PRELID2: variants seen among roughly 807,000 people sequenced by gnomAD.
PRELID2 encodes PRELI domain-containing protein 2.
In PRELID2, 25 loss-of-function variants were observed where a neutral mutation model predicts 28.4. That is an observed-to-expected ratio of 0.88 (90% confidence interval 0.64 to 1.23). The LOEUF is 1.23. Ranked by LOEUF, PRELID2 falls within the 50% of genes most tolerant of loss-of-function variation. PRELID2 has a pLI of 0.00. For missense variants in PRELID2, 201 were observed against 214.4 expected, an observed-to-expected ratio of 0.94 and a Z score of 0.39; for synonymous variants, 76 against 71.6, an observed-to-expected ratio of 1.06 and a Z score of -0.31.
chr5:145,596,322 A>T (rs185251522), intron 1 of PRELID2, among the ~76,000 whole-genome samples: 5 of 152,192 alleles, frequency 3.3e-5, no homozygotes, highest in Admixed American at 3.3e-4. Flanking sequence ...GAAAAAGGTA[A>T]CACAATTTTA....
At chr5:145,333,033 G>T in the PRELID2 span, among the ~76,000 whole-genome samples, 1 of 152,188 alleles carries the variant, frequency 6.6e-6, no homozygotes, top group Non-Finnish European at 1.5e-5. Flanking sequence ...CCCCTCTGCT[G>T]CAGGTCTGCT....
chr5:145,754,122 C>T (rs1757196496), downstream of PRELID2: 1 of 152,224 alleles, frequency 6.6e-6, no homozygotes, highest in South Asian at 2.1e-4. Context: ...ATTTACACCT[C>T]AATGTCCTGT....
chr5:145,784,233 T>C (rs997574750), intron 5 of PRELID2, among the ~76,000 whole-genome samples: 4 of 136,266 alleles, frequency 2.9e-5, no homozygotes, highest in African/African-American at 1.1e-4. Context: ...GTGGTGAGCT[T>C]AAAAAAAAAA....
chr5:145,249,691 C>T, the PRELID2 span, among the ~76,000 whole-genome samples: 36 of 152,234 alleles, frequency 2.4e-4, no homozygotes, highest in African/African-American at 7.9e-4. Context: ...TACTATATTT[C>T]AGCCAGCAGA....
chr5:145,357,271 G>C, the PRELID2 span, among the ~76,000 whole-genome samples: 3 of 152,152 alleles, frequency 2.0e-5, no homozygotes, highest in African/African-American at 7.2e-5. Context: ...TCCTGGATTT[G>C]AGGGTTGTCC....
the PRELID2 span, among the ~76,000 whole-genome samples, chr5:145,344,680 G>C: frequency 6.6e-6 from 1 of 151,966 alleles, no homozygotes; most frequent in Admixed American, 6.6e-5. Flanking sequence ...TGCGTGAGAG[G>C]GATGCTCCTG....
chr5:145,418,112 C>A, the PRELID2 span, among the ~76,000 whole-genome samples: 4 of 151,252 alleles, frequency 2.6e-5, no homozygotes, highest in South Asian at 2.1e-4. Context: ...CAGGCAAGAG[C>A]CAAATCATGA....
intron 5 of PRELID2, chr5:145,795,822 A>G (rs2149816463): frequency 6.6e-6 from 1 of 152,312 alleles, no homozygotes; most frequent in African/African-American, 2.4e-5. Context: ...TAAATGTTAT[A>G]TGGAATACCA....
At chr5:145,351,058 A>G in the PRELID2 span, among the ~76,000 whole-genome samples, 2 of 152,210 alleles carry the variant, frequency 1.3e-5, no homozygotes, top group African/African-American at 4.8e-5. Flanking sequence ...TAGGTGCAAT[A>G]TACCACAACT....
the PRELID2 span, among the ~76,000 whole-genome samples, chr5:145,280,815 AAAC>A: frequency 6.6e-6 from 1 of 151,988 alleles, no homozygotes; most frequent in African/African-American, 2.4e-5. Context: ...AAAAAAAAAA[AAAC>A]AGATTGCTAC....
chr5:145,411,547 G>C, the PRELID2 span, among the ~76,000 whole-genome samples: 1 of 152,206 alleles, frequency 6.6e-6, no homozygotes, highest in Non-Finnish European at 1.5e-5. Flanking sequence ...GGCTTTGTGA[G>C]TACAACCCCC....
intron 5 of PRELID2, among the ~76,000 whole-genome samples, chr5:145,776,884 A>G (rs759340494): frequency 7.2e-5 from 11 of 152,238 alleles, no homozygotes; most frequent in Non-Finnish European, 1.2e-4. Flanking sequence ...GATGTTCCAA[A>G]TCTACCATCT....
At chr5:145,747,945 A>G (rs1307901728) in intron 1 of PRELID2, among the ~76,000 whole-genome samples, 4 of 152,234 alleles carry the variant, frequency 2.6e-5, no homozygotes, top group African/African-American at 9.6e-5. Context: ...AAGGCCTTTG[A>G]TAAAATTCAA....
intron 1 of PRELID2, among the ~76,000 whole-genome samples, chr5:145,580,304 C>A (rs1753096786): frequency 1.3e-5 from 2 of 151,924 alleles, no homozygotes; most frequent in African/African-American, 4.8e-5. Flanking sequence ...CAGAAGCCAC[C>A]CCCTAATATT....
the PRELID2 span, among the ~76,000 whole-genome samples, chr5:145,247,740 A>G: frequency 1.3e-5 from 2 of 152,110 alleles, no homozygotes; most frequent in African/African-American, 4.8e-5. Context: ...GCTGTCCCCC[A>G]AACAGGAGCT....
chr5:145,784,370 G>A (rs1751849424), intron 5 of PRELID2, among the ~76,000 whole-genome samples: 1 of 152,068 alleles, frequency 6.6e-6, no homozygotes, highest in Non-Finnish European at 1.5e-5. Flanking sequence ...TAACAATTTT[G>A]TTTTCTTCTC....
At chr5:145,530,293 G>GA in intron 1 of PRELID2, among the ~76,000 whole-genome samples, 1 of 152,198 alleles carries the variant, frequency 6.6e-6, no homozygotes, top group East Asian at 1.9e-4. Flanking sequence ...CTCACGGTGA[G>GA]AAAAATACAA....
intron 1 of PRELID2, among the ~76,000 whole-genome samples, chr5:145,501,705 A>T (rs1752361078): frequency 6.6e-6 from 1 of 152,008 alleles, no homozygotes; most frequent in Non-Finnish European, 1.5e-5. Context: ...TAAATTACCC[A>T]GTCTCGGTTA....
intron 1 of PRELID2, among the ~76,000 whole-genome samples, chr5:145,512,157 C>T (rs1409116838): frequency 1.3e-5 from 2 of 152,102 alleles, no homozygotes; most frequent in African/African-American, 4.8e-5. Context: ...AAGGTGGTGG[C>T]TGGCAAGATG....
Sources: allele counts gnomAD v4.1 joint callset (sites outside exome capture counted in the v4.1 genomes callset), GRCh38; gene constraint gnomAD v4.1.1; transcripts MANE v1.5; gene names NCBI Gene and HGNC (gene_info 2026-07-23, HGNC 2026-07-21).